The following CCDC3 variants were observed in gnomAD, a reference collection of about 807,000 sequenced individuals.
The protein encoded by CCDC3 is coiled-coil domain containing 3.
In CCDC3, 24 loss-of-function variants were observed where a neutral mutation model predicts 21.4. The ratio of observed to expected loss-of-function variants is 1.12; its 90% CI spans 0.81 to 1.58. The LOEUF (loss-of-function observed/expected upper bound fraction) is 1.58. CCDC3 is among the 40% of genes most tolerant of loss of function. The pLI is 0.00. For synonymous variants in CCDC3, 186 were observed against 166.0 expected (o/e 1.12, Z -0.93); for missense variants, 425 against 360.9 (o/e 1.18, Z -1.44).
At chr10:12,952,143 G>A (rs1005590015) in intron 2 of CCDC3, among the ~76,000 whole-genome samples, 1 of 152,180 alleles carries the variant, frequency 6.6e-6, no homozygotes, top group Non-Finnish European at 1.5e-5. Context: ...CAAGAAACAG[G>A]CTCATGTGGT....
At chr10:12,989,468 C>T (rs530001735) in intron 2 of CCDC3, among the ~76,000 whole-genome samples, 85 of 152,338 alleles carry the variant, frequency 5.6e-4, no homozygotes, top group Admixed American at 1.1e-3. Context: ...GTCGCCCAAG[C>T]TGGAGTGTAA....
intron 2 of CCDC3, among the ~76,000 whole-genome samples, chr10:12,940,721 C>T (rs1258993455): frequency 6.6e-6 from 1 of 152,190 alleles, no homozygotes; most frequent in East Asian, 1.9e-4. Flanking sequence ...CCCTTGCCTT[C>T]TGCACATAAA....
At chr10:12,954,055 T>A (rs1835047806) in intron 2 of CCDC3, among the ~76,000 whole-genome samples, 1 of 152,178 alleles carries the variant, frequency 6.6e-6, no homozygotes, top group Non-Finnish European at 1.5e-5. Flanking sequence ...GCACAAAATA[T>A]TCATTTTAAC....
intron 2 of CCDC3, among the ~76,000 whole-genome samples, chr10:12,907,423 T>A (rs540196258): frequency 6.0e-4 from 91 of 152,166 alleles, no homozygotes; most frequent in Non-Finnish European, 1.2e-3. Flanking sequence ...GGTGGGAGGA[T>A]CACTTGAGGT....
At chr10:13,098,053 G>C (rs1433177840) in intron 3 of CCDC3, among the ~76,000 whole-genome samples, 1 of 152,290 alleles carries the variant, frequency 6.6e-6, no homozygotes, top group Admixed American at 6.5e-5. Context: ...GAAGTAACTT[G>C]GTCAAGGTCC....
chr10:13,098,941 T>C (rs180823580), intron 2 of CCDC3: 715 of 152,190 alleles, frequency 4.7e-3, no homozygotes, highest in Middle Eastern at 0.017. Flanking sequence ...GGTCTCGAAC[T>C]CCGGACCTTG....
chr10:13,028,581 C>T (rs543883544), intron 5 of CCDC3, among the ~76,000 whole-genome samples: 1 of 152,070 alleles, frequency 6.6e-6, no homozygotes, highest in African/African-American at 2.4e-5. Context: ...CCACAGATGA[C>T]AGGGTTGAAC....
chr10:13,022,407 A>T (rs652029), intron 5 of CCDC3, among the ~76,000 whole-genome samples: 1 of 151,992 alleles, frequency 6.6e-6, no homozygotes, highest in African/African-American at 2.4e-5. Context: ...CAGGAAGTCC[A>T]TCTTAGATCA....
intron 5 of CCDC3, among the ~76,000 whole-genome samples, chr10:13,016,837 G>A (rs1252623266): frequency 6.6e-6 from 1 of 152,052 alleles, no homozygotes; most frequent in Non-Finnish European, 1.5e-5. Context: ...ATCTTCAAGA[G>A]GCGACCTAGC....
At chr10:13,075,846 T>C (rs10796012) in intron 3 of CCDC3, among the ~76,000 whole-genome samples, 113,389 of 151,944 alleles carry the variant, frequency 0.75, 42,627 homozygotes, top group Middle Eastern at 0.83. Flanking sequence ...GTCAGGAGTT[T>C]GAGACCAGCC....
chr10:13,029,423 G>T (rs1022064873), intron 5 of CCDC3, among the ~76,000 whole-genome samples: 13 of 152,122 alleles, frequency 8.5e-5, no homozygotes, highest in South Asian at 2.1e-4. Context: ...AAACCGGAAC[G>T]CCTCTTCTCC....
Position 12,900,251 on chromosome 10 carries a change from TTA to T in CCDC3, c.550-1574_550-1573del, listed in dbSNP as rs541429312. Among the ~76,000 whole-genome samples, 13 of 152,290 alleles carry T rather than the reference TTA, an allele frequency of 8.5e-5. No homozygotes were observed. In the South Asian group the frequency reaches 2.5e-3, roughly 29 times the overall value. On this transcript the variant is annotated intron_variant, in intron 2 of 2. Coordinates refer to ENST00000378825, the MANE Select transcript of CCDC3 (RefSeq NM_031455.4). ...TACAGTAATAAGGCTGGCATTTCCT[TTA>T]TATGTGTGTGTGAGCATATATATAA... is the stretch of plus-strand genomic sequence containing the variant.
intron 4 of CCDC3, among the ~76,000 whole-genome samples, chr10:13,055,336 C>CT (rs111754885): frequency 0.075 from 10,938 of 145,552 alleles, 1,310 homozygotes; most frequent in African/African-American, 0.25. Context: ...GAATCCACTT[C>CT]TTTTTTTTTT....
chr10:12,991,524 T>A lies in CCDC3; in HGVS notation c.549+6814A>T, dbSNP rs944781490. 2.0e-5 allele frequency among the ~76,000 whole-genome samples: 3 copies of A among 152,090 alleles called. No individual in the cohort carries two copies. The South Asian group carries it at 6.2e-4, about 32-fold the overall frequency. On this transcript the variant is annotated intron_variant, in intron 2 of 2. Coordinates refer to ENST00000378825, the MANE Select transcript of CCDC3 (RefSeq NM_031455.4). ...TTAGTAGAGACGGGGTTTCACCATG[T>A]TGTATCACCATGTTGGCGAGGCTGG...
At chr10:12,927,993 T>C (rs565664117) in intron 2 of CCDC3, among the ~76,000 whole-genome samples, 1 of 152,218 alleles carries the variant, frequency 6.6e-6, no homozygotes, top group Admixed American at 6.5e-5. Context: ...TAAGTAATTA[T>C]CTAATTTTCT....
rs374491653 is a variant in CCDC3 at position 12,944,996 on chromosome 10, C to G, written c.550-46317G>C. 3.3e-5 allele frequency among the ~76,000 whole-genome samples: 5 copies of G among 152,176 alleles called. No homozygotes were observed. The East Asian group carries it at 9.6e-4, about 29-fold the overall frequency. On this transcript the variant is annotated intron_variant, in intron 2 of 2. Transcript: ENST00000378825. ...CAACAATTTCATTCTCAGGCCTAGC[C>G]AAAAATTCTAATAAGGATAGAGATA...
intron 2 of CCDC3, among the ~76,000 whole-genome samples, chr10:12,937,369 G>A (rs751117091): frequency 4.6e-5 from 7 of 152,070 alleles, no homozygotes; most frequent in East Asian, 1.9e-4. Flanking sequence ...GTATGTGTGC[G>A]GTTATCAAGC....
intron 5 of CCDC3, among the ~76,000 whole-genome samples, chr10:13,041,252 A>G (rs1836450119): frequency 6.6e-6 from 1 of 152,168 alleles, no homozygotes; most frequent in African/African-American, 2.4e-5. Flanking sequence ...TGGTTTCTAA[A>G]AGCCTTTGTC....
chr10:12,987,748 G>T (rs1411738740), intron 2 of CCDC3, among the ~76,000 whole-genome samples: 1 of 152,218 alleles, frequency 6.6e-6, no homozygotes, highest in Non-Finnish European at 1.5e-5. Context: ...GGTGGTCGAG[G>T]TGCTGGAGGA....
Sources: allele counts gnomAD v4.1 joint callset (sites outside exome capture counted in the v4.1 genomes callset), GRCh38; gene constraint gnomAD v4.1.1; transcripts MANE v1.5; gene names NCBI Gene and HGNC (gene_info 2026-07-23, HGNC 2026-07-21).